The following SOX5 variants were observed in gnomAD, a reference collection of about 807,000 sequenced individuals.
The protein encoded by SOX5 is transcription factor SOX-5.
A neutral mutation model predicts 92.0 loss-of-function variants in SOX5; 9 were observed. That is an observed-to-expected ratio of 0.10 (90% CI 0.06 to 0.17). The LOEUF is 0.17. Among genes scored for constraint, SOX5 ranks in the 10% least tolerant of loss-of-function variants. SOX5 has a pLI of 1.00. For missense variants in SOX5, 642 were observed against 944.5 expected, an observed-to-expected ratio of 0.68 and a Z score of 4.20; for synonymous variants, 344 against 336.3, an observed-to-expected ratio of 1.02 and a Z score of -0.25.
intron 2 of SOX5, among the ~76,000 whole-genome samples, chr12:23,888,486 C>T (rs1361821233): frequency 1.3e-5 from 2 of 152,030 alleles, no homozygotes; most frequent in Admixed American, 1.3e-4. Context: ...AACAGAAGTA[C>T]TTCAAATACT....
chr12:24,414,776 A>C (rs1291680637), intron 1 of SOX5, among the ~76,000 whole-genome samples: 2 of 152,214 alleles, frequency 1.3e-5, no homozygotes, highest in Non-Finnish European at 2.9e-5. Context: ...TGTTGTTTTT[A>C]GGAAAAGAGA....
At chr12:23,609,006 AAG>A (rs966315445) in intron 8 of SOX5, among the ~76,000 whole-genome samples, 10 of 152,150 alleles carry the variant, frequency 6.6e-5, no homozygotes, top group African/African-American at 2.4e-4. Flanking sequence ...CGAAGGTGTT[AAG>A]AGAGAAGAAA....
At chr12:24,018,180 G>A (rs1033535195) in intron 4 of SOX5, among the ~76,000 whole-genome samples, 3 of 152,034 alleles carry the variant, frequency 2.0e-5, no homozygotes, top group South Asian at 2.1e-4. Flanking sequence ...CCCTGACCAC[G>A]TCCATTTCAC....
chr12:23,583,379 A>G (rs1434305251), intron 9 of SOX5, among the ~76,000 whole-genome samples: 2 of 152,148 alleles, frequency 1.3e-5, no homozygotes, highest in Non-Finnish European at 2.9e-5. Context: ...ACCCACTCAT[A>G]GAAATTCCAC....
At chr12:24,059,493 A>G (rs1440168884) in intron 4 of SOX5, among the ~76,000 whole-genome samples, 1 of 152,136 alleles carries the variant, frequency 6.6e-6, no homozygotes, top group Non-Finnish European at 1.5e-5. Flanking sequence ...TATTCTCACC[A>G]TGCTGCCTCA....
intron 1 of SOX5, among the ~76,000 whole-genome samples, chr12:23,901,154 G>C (rs1180849314): frequency 2.6e-5 from 4 of 152,102 alleles, no homozygotes; most frequent in African/African-American, 9.7e-5. Flanking sequence ...CCTTATAAGA[G>C]GGAGAAGAAA....
chr12:23,787,924 T>G (rs1191584067), intron 3 of SOX5, among the ~76,000 whole-genome samples: 2 of 148,898 alleles, frequency 1.3e-5, no homozygotes, highest in Non-Finnish European at 3.0e-5. Context: ...AGACCCGAGA[T>G]GCTGCAGCAG....
At chr12:23,986,787 A>T (rs955146141) in intron 4 of SOX5, among the ~76,000 whole-genome samples, 1 of 152,190 alleles carries the variant, frequency 6.6e-6, no homozygotes, top group Admixed American at 6.5e-5. Context: ...TAAGTTAGGG[A>T]ATCATAATCC....
At chr12:23,597,484 A>G (rs551670955) in intron 9 of SOX5, among the ~76,000 whole-genome samples, 1 of 152,222 alleles carries the variant, frequency 6.6e-6, no homozygotes, top group South Asian at 2.1e-4. Context: ...TGAAAAGGAG[A>G]GGAGGAGGCT....
intron 4 of SOX5, among the ~76,000 whole-genome samples, chr12:24,121,506 T>G (rs1052920901): frequency 1.3e-5 from 2 of 151,566 alleles, no homozygotes. Context: ...AAATCACTGA[T>G]GCTTTACAGA....
At chr12:24,150,865 G>A (rs1593651407) in intron 4 of SOX5, among the ~76,000 whole-genome samples, 1 of 151,710 alleles carries the variant, frequency 6.6e-6, no homozygotes, top group East Asian at 1.9e-4. Context: ...GCAAAGGCAA[G>A]ATCTCAGTAA....
rs1360931309 is a variant in SOX5, at chr12:23,530,816, TGTGCGC to T, written c.*3397_*3402del. On this transcript the variant is annotated 3_prime_UTR_variant, in exon 15 of 15. Coordinates refer to ENST00000451604, the MANE Select transcript of SOX5 (RefSeq NM_006940.6). ...TGGGGCAAGTGTGTGTGTGTGTGTGTGTGCGCGCGCGCGCGCGCGCATGTGAGAGAG... is the reference window on the plus strand; with the variant it reads ...TGGGGCAAGTGTGTGTGTGTGTGTGTGCGCGCGCGCGCGCATGTGAGAGAG... 1 of 132,566 alleles carries T rather than the reference TGTGCGC, an allele frequency of 7.5e-6. No homozygotes were observed. The highest frequency in any genetic ancestry group is 1.7e-5 in the Non-Finnish European group (1 of 59,814). 8.2% of individuals were successfully genotyped at this position (132,566 alleles called of 1,614,324 possible). A position where few individuals can be genotyped will look rare whatever the true frequency, so the allele number is the denominator to read the frequency against.
chr12:24,039,402 C>T (rs1956321780), intron 4 of SOX5, among the ~76,000 whole-genome samples: 1 of 152,118 alleles, frequency 6.6e-6, no homozygotes, highest in Admixed American at 6.5e-5. Context: ...CTAAAGTCAA[C>T]ATTGATAGAT....
At chr12:24,269,187 T>C (rs1247044907) in intron 3 of SOX5, among the ~76,000 whole-genome samples, 2 of 152,182 alleles carry the variant, frequency 1.3e-5, no homozygotes, top group South Asian at 2.1e-4. Flanking sequence ...AAAAAAGTGA[T>C]TGGATTTGAT....
At chr12:24,088,042 C>T (rs1944222913) in intron 4 of SOX5, among the ~76,000 whole-genome samples, 1 of 151,764 alleles carries the variant, frequency 6.6e-6, no homozygotes, top group South Asian at 2.1e-4. Context: ...CACTTGCATC[C>T]CCCAGGAAAG....
intron 10 of SOX5, among the ~76,000 whole-genome samples, chr12:23,574,169 T>C (rs947218956): frequency 1.3e-5 from 2 of 152,044 alleles, no homozygotes; most frequent in African/African-American, 4.8e-5. Flanking sequence ...TACCTATGAT[T>C]CTTCACTCCA....
intron 11 of SOX5, among the ~76,000 whole-genome samples, chr12:23,546,951 C>T (rs1393488759): frequency 6.6e-6 from 1 of 152,084 alleles, no homozygotes; most frequent in Non-Finnish European, 1.5e-5. Context: ...TTGCTAATTG[C>T]TTGTCAAGTC....
At chr12:23,700,723 G>C (rs909149414) in intron 6 of SOX5, among the ~76,000 whole-genome samples, 3 of 151,924 alleles carry the variant, frequency 2.0e-5, no homozygotes, top group African/African-American at 7.3e-5. Flanking sequence ...TAAATATGTA[G>C]AGAAGAATTA....
intron 4 of SOX5, among the ~76,000 whole-genome samples, chr12:24,002,568 A>C (rs540458393): frequency 6.6e-6 from 1 of 152,138 alleles, no homozygotes; most frequent in South Asian, 2.1e-4. Context: ...AAATTGAATT[A>C]GTAATTTTCT....
Sources: allele counts gnomAD v4.1 joint callset (sites outside exome capture counted in the v4.1 genomes callset), GRCh38; gene constraint gnomAD v4.1.1; transcripts MANE v1.5; gene names NCBI Gene and HGNC (gene_info 2026-07-23, HGNC 2026-07-21).